The following BSN variants were observed in gnomAD, a reference collection of about 807,000 sequenced individuals.
BSN encodes the protein bassoon presynaptic cytomatrix protein, also known as protein bassoon.
BSN carries 57 observed loss-of-function variants against 264.8 expected under a neutral mutation model. The ratio of observed to expected loss-of-function variants is 0.22; its 90% CI spans 0.17 to 0.27. The LOEUF (loss-of-function observed/expected upper bound fraction) is 0.27. BSN is among the 10% of genes least tolerant of loss of function. The probability of loss-of-function intolerance (pLI) is 1.00; values close to 1 mark genes in which losing one functional copy is unlikely to be tolerated. For synonymous variants in BSN, 2,059 were observed against 2,137.3 expected, an observed-to-expected ratio of 0.96 and a Z score of 1.01; for missense variants, 4,615 against 5,232.5, an observed-to-expected ratio of 0.88 and a Z score of 3.64.
At position 49,625,382 on chromosome 3, in the gene BSN, A is replaced by AGTG; in HGVS notation, c.633_633+1insTGG (p.Gln211_Val212insTrp). The AGTG allele has an allele frequency of 6.8e-7, 1 of 1,476,452 alleles. No homozygotes were observed. Among genetic ancestry groups the AGTG allele is most frequent in the Non-Finnish European group, 9.0e-7 (1 of 1,112,512 alleles). The allele number at this position is 1,476,452 out of a possible 1,614,324, so 91.5% of individuals were successfully genotyped here. A position where few individuals can be genotyped will look rare whatever the true frequency, so the allele number is the denominator to read the frequency against. ...TTCAACCCCAACCCTCATCTCACCC[A>AGTG]GGTAACCACTTCTGCGCCGGCTCCC... is the stretch of plus-strand genomic sequence containing the variant. On this transcript the variant is annotated inframe_insertion and splice_region_variant, in exon 2 of 12. Coordinates refer to ENST00000296452, the MANE Select transcript of BSN (RefSeq NM_003458.4). This position sits in a 1 kb window ranked among gnomAD's most constrained non-coding sequence, Gnocchi z 4.4.
rs560832952 is a variant in BSN at position 49,615,705 on chromosome 3, G to A, written c.225-9270G>A. On this transcript the variant is annotated intron_variant, in intron 1 of 11. Transcript: ENST00000296452. ...AGATCCTTACCTTTGTGCTATTGCC[G>A]TCAGCACTGCAAATTCTTTTTGGCC... Among the ~76,000 whole-genome samples, 8 of 152,276 alleles carry A rather than the reference G, an allele frequency of 5.3e-5. No individual in the cohort carries two copies. The East Asian group carries it at 7.7e-4, about 15-fold the overall frequency.
intron 1 of BSN, among the ~76,000 whole-genome samples, chr3:49,613,864 C>G (rs750137722): frequency 6.6e-6 from 1 of 151,744 alleles, no homozygotes; most frequent in Admixed American, 6.6e-5. Flanking sequence ...ACTCAGGAAA[C>G]GTGGTTTCTA....
intron 2 of BSN, among the ~76,000 whole-genome samples, chr3:49,639,229 C>T (rs1314545494): frequency 5.8e-5 from 8 of 138,210 alleles, no homozygotes; most frequent in South Asian, 4.5e-4. Flanking sequence ...GACAGAGTCT[C>T]GCTCTGTTGC....
chr3:49,591,267 T>C (rs577281985), intron 1 of BSN, among the ~76,000 whole-genome samples: 32 of 152,364 alleles, frequency 2.1e-4, no homozygotes, highest in Non-Finnish European at 4.3e-4. Context: ...ATTACACTTC[T>C]ATATGTTACA....
At chr3:49,569,309 G>A (rs1265032248) in intron 1 of BSN, among the ~76,000 whole-genome samples, 1 of 152,086 alleles carries the variant, frequency 6.6e-6, no homozygotes, top group African/African-American at 2.4e-5. Flanking sequence ...AAGAGATAAG[G>A]GAGAGGAGGA....
At position 49,605,582 on chromosome 3, in the gene BSN, A is replaced by G. The variant is rs1256475584; in HGVS notation, c.225-19393A>G. On this transcript the variant is annotated intron_variant, in intron 1 of 11. Coordinates refer to ENST00000296452, the MANE Select transcript of BSN (RefSeq NM_003458.4). Reference sequence around the variant, plus strand: ...ATATATATTATATATTATATATATTATATATTTATATATAATATATATTAT... The same window carrying G: ...ATATATATTATATATTATATATATTGTATATTTATATATAATATATATTAT... Among the ~76,000 whole-genome samples, 13 of 16,212 alleles carry G rather than the reference A, an allele frequency of 8.0e-4. 2 individuals are homozygous for G. Among genetic ancestry groups the G allele is most frequent in the African/African-American group, 3.3e-3 (13 of 3,924 alleles). The allele number at this position is 16,212 out of a possible 152,430, so 10.6% of individuals were successfully genotyped here. A position where few individuals can be genotyped will look rare whatever the true frequency, so the allele number is the denominator to read the frequency against.
rs747287872 is a variant in BSN at position 49,651,722 on chromosome 3, C to T, written c.2166C>T (p.Ser722=). 7 of 1,613,782 alleles carry T rather than the reference C, an allele frequency of 4.3e-6. No homozygotes were observed. Among genetic ancestry groups the T allele is most frequent in the Middle Eastern group, 3.3e-4 (2 of 6,060 alleles). Residue 722 remains serine (S), a synonymous_variant, in exon 5 of 12, where the codon TCC becomes TCT. Coordinates refer to ENST00000296452, the MANE Select transcript of BSN (RefSeq NM_003458.4). This position sits in a 1 kb window ranked among gnomAD's most constrained non-coding sequence, Gnocchi z 5.4. The part of the protein sequence containing the change: ...GVTGPHPPSP[S]EIHKVGSSMR... ...CAGGGCCACATCCACCCAGCCCCTCCGAGATCCACAAGGTGGGGAGCAGCA... is the reference window on the plus strand; with the variant it reads ...CAGGGCCACATCCACCCAGCCCCTCTGAGATCCACAAGGTGGGGAGCAGCA...
At position 49,654,698 on chromosome 3, in the gene BSN, G is replaced by A; in HGVS notation, c.5142G>A (p.Leu1714=). Residue 1714 remains leucine (L), a synonymous_variant, in exon 5 of 12, where the codon TTG becomes TTA. Coordinates refer to ENST00000296452, the MANE Select transcript of BSN (RefSeq NM_003458.4). The surrounding 1 kb of genome is among the most constrained non-coding windows in gnomAD (Gnocchi z 4.1). Reference sequence around the variant, plus strand: ...GGCAGTCGACCGCCGTGCAGCCCTTGGTTATCAACCTCAATGCCCAGGAGC... The same window carrying A: ...GGCAGTCGACCGCCGTGCAGCCCTTAGTTATCAACCTCAATGCCCAGGAGC... The part of the protein sequence containing the change: ...PGRQSTAVQP[L]VINLNAQEHT... 6.2e-7 allele frequency: 1 copy of A among 1,613,688 alleles called. No homozygotes were observed. The highest frequency in any genetic ancestry group is 8.5e-7 in the Non-Finnish European group (1 of 1,180,030).
In BSN at chr3:49,642,481, A is replaced by T. The variant is rs1391682263; in HGVS notation, c.847A>T (p.Arg283Trp). 6.3e-7 allele frequency: 1 copy of T among 1,580,636 alleles called. No individual in the cohort carries two copies. The highest frequency in any genetic ancestry group is 8.6e-7 in the Non-Finnish European group (1 of 1,164,734). ...QPGSRQAETA[R>W]ATSVPGPAQA... ...TGGGTCCCGCCAGGCTGAGACAGCCAGGGCCACCTCAGTGCCGGGGCCTGC... is the reference window on the plus strand; with the variant it reads ...TGGGTCCCGCCAGGCTGAGACAGCCTGGGCCACCTCAGTGCCGGGGCCTGC... The change falls in exon 3 of 12, where the codon AGG becomes TGG. Residue 283 changes from arginine (R) to tryptophan (W), a missense_variant. By Grantham distance (101) the Arg-to-Trp change is moderately radical. Around this residue, in one of 3 missense-constraint regions of BSN, gnomAD observed 1,197 missense variants for 1,348.0 expected, o/e 0.89. Transcript: ENST00000296452. The surrounding 1 kb of genome is among the most constrained non-coding windows in gnomAD (Gnocchi z 7.0).
At chr3:49,666,185 G>A (rs2108102136) in intron 11 of BSN, among the ~76,000 whole-genome samples, 1 of 152,356 alleles carries the variant, frequency 6.6e-6, no homozygotes, top group East Asian at 1.9e-4. Flanking sequence ...TGTTATCCAT[G>A]GCGGGGCCTG....
chr3:49,648,012 G>A (rs1311748022), intron 3 of BSN, among the ~76,000 whole-genome samples: 1 of 152,240 alleles, frequency 6.6e-6, no homozygotes, highest in Non-Finnish European at 1.5e-5. Flanking sequence ...GGCCTGCCAG[G>A]CAACCTGCAA....
intron 1 of BSN, among the ~76,000 whole-genome samples, chr3:49,612,259 C>T (rs2052214278): frequency 6.6e-6 from 1 of 152,138 alleles, no homozygotes. Flanking sequence ...CCCCAGCCTC[C>T]CAAGTAGCTG....
chr3:49,620,837 T>TC (rs959931647), intron 1 of BSN, among the ~76,000 whole-genome samples: 1 of 152,046 alleles, frequency 6.6e-6, no homozygotes, highest in African/African-American at 2.4e-5. Context: ...ATACAAAAAA[T>TC]TAGCGAAGCA....
intron 1 of BSN, among the ~76,000 whole-genome samples, chr3:49,573,819 G>A (rs545300313): frequency 6.6e-5 from 10 of 152,018 alleles, no homozygotes; most frequent in Non-Finnish European, 1.2e-4. Context: ...CACCATACCC[G>A]GATAATTTTG....
At position 49,657,987 on chromosome 3, in the gene BSN, T is replaced by C. The variant is rs1216791035; in HGVS notation, c.8431T>C (p.Phe2811Leu). ...LSPHRLLDTSFASSERLNKAH... is the reference protein window; with the variant it reads ...LSPHRLLDTSLASSERLNKAH... The stretch of plus-strand genomic sequence containing the variant: ...CCCTCACCGGCTCCTGGACACCTCC[T>C]TTGCTTCCAGTGAGAGGCTGAACAA... Residue 2811 changes from phenylalanine (F) to leucine (L), a missense_variant, in exon 5 of 12, where the codon TTT becomes CTT. Around this residue, in one of 3 missense-constraint regions of BSN, gnomAD observed 3,415 missense variants for 3,866.4 expected, o/e 0.88. Transcript: ENST00000296452. 2.5e-6 allele frequency: 4 copies of C among 1,612,244 alleles called. No homozygotes were observed. Among genetic ancestry groups the C allele is most frequent in the South Asian group, 1.1e-5 (1 of 90,954 alleles).
chr3:49,656,642 G>C lies in BSN; in HGVS notation c.7086G>C (p.Glu2362Asp), dbSNP rs1334085093. The C allele has an allele frequency of 6.2e-7, 1 of 1,609,668 alleles. No homozygotes were observed. Among genetic ancestry groups the C allele is most frequent in the Middle Eastern group, 1.7e-4 (1 of 6,008 alleles). The stretch of plus-strand genomic sequence containing the variant: ...TCGAGAAAGAGGAAGCATCACAGGA[G>C]GAGAGGCAGCGGAAGCAACAGGAGC... ...PGFEKEEASQ[E>D]ERQRKQQEQL... The change falls in exon 5 of 12, where the codon GAG becomes GAC. Residue 2362 changes from glutamate to aspartate, a missense_variant. This residue lies in a region of BSN where 3,415 missense variants were observed against 3,866.4 expected (regional missense o/e 0.88). Transcript: ENST00000296452.
intron 1 of BSN, among the ~76,000 whole-genome samples, chr3:49,600,797 C>A (rs2052067990): frequency 6.6e-6 from 1 of 151,968 alleles, no homozygotes; most frequent in Admixed American, 6.6e-5. Flanking sequence ...GAGCAAGACC[C>A]CATCTCTAAA....
At chr3:49,602,168 C>T (rs901845937) in intron 1 of BSN, among the ~76,000 whole-genome samples, 2 of 152,218 alleles carry the variant, frequency 1.3e-5, no homozygotes, top group African/African-American at 4.8e-5. Context: ...TTGAGTTTGC[C>T]CCTTGGATCA....
intron 1 of BSN, among the ~76,000 whole-genome samples, chr3:49,557,434 C>T (rs1052754888): frequency 7.9e-5 from 12 of 152,296 alleles, no homozygotes; most frequent in East Asian, 1.9e-4. Context: ...TTTATACATA[C>T]ACTCGTGACA....
Sources: allele counts gnomAD v4.1 joint callset (sites outside exome capture counted in the v4.1 genomes callset), GRCh38; gene constraint gnomAD v4.1.1; regional missense constraint gnomAD v4.1.1; non-coding constraint Gnocchi (gnomAD v3.1); transcripts MANE v1.5; gene names NCBI Gene and HGNC (gene_info 2026-07-23, HGNC 2026-07-21).